Variants in DCP1A observed in about 807,000 individuals in gnomAD.
The protein encoded by DCP1A is decapping mRNA 1A, also known as mRNA-decapping enzyme 1A.
Under a neutral mutation model 58.0 loss-of-function variants are expected in DCP1A, and 20 were observed. That is an observed-to-expected ratio of 0.34 (90% CI 0.24 to 0.50). The LOEUF is 0.50. Ranked by LOEUF, DCP1A falls within the 20% of genes least tolerant of loss-of-function variation. DCP1A has a pLI of 0.98. For synonymous variants in DCP1A, 285 were observed against 275.1 expected, an observed-to-expected ratio of 1.04 and a Z score of -0.36; for missense variants, 613 against 712.2, an observed-to-expected ratio of 0.86 and a Z score of 1.59.
chr3:53,319,922 G>C (rs1311118859), intron 3 of DCP1A, among the ~76,000 whole-genome samples: 1 of 152,062 alleles, frequency 6.6e-6, no homozygotes, highest in African/African-American at 2.4e-5. Context: ...TTGAGGTCAG[G>C]AGTTTAAGAC....
intron 5 of DCP1A, among the ~76,000 whole-genome samples, chr3:53,304,855 T>C (rs1707422639): frequency 6.6e-6 from 1 of 152,078 alleles, no homozygotes; most frequent in Non-Finnish European, 1.5e-5. Flanking sequence ...AGTGCTGGGA[T>C]TATGGGTGTG....
chr3:53,344,939 TCTC>T lies in DCP1A; in HGVS notation c.136_138del (p.Glu46del). The T allele has an allele frequency of 6.2e-7, 1 of 1,603,272 alleles. No homozygotes were observed. The highest frequency in any genetic ancestry group is 8.5e-7 in the Non-Finnish European group (1 of 1,175,192). On this transcript the variant is annotated inframe_deletion and splice_region_variant, in exon 2 of 10. Coordinates refer to ENST00000610213, the MANE Select transcript of DCP1A (RefSeq NM_018403.7). ...AATAAGGTCCCTTCTATATCAGTCT[TCTC>T]CTATGAAAGACAATGACTCAATTAG...
intron 6 of DCP1A, among the ~76,000 whole-genome samples, chr3:53,298,167 A>G (rs576745590): frequency 1.6e-4 from 25 of 152,198 alleles, no homozygotes; most frequent in Non-Finnish European, 3.4e-4. Flanking sequence ...ACAGTGAGCT[A>G]TGATCAGGCC....
At chr3:53,314,963 C>A (rs182600638) in intron 4 of DCP1A, among the ~76,000 whole-genome samples, 3 of 152,152 alleles carry the variant, frequency 2.0e-5, no homozygotes, top group Admixed American at 1.3e-4. Context: ...TGAGCCACTG[C>A]GCCCAGCCAG....
Position 53,312,330 on chromosome 3 carries a change from G to C in DCP1A, c.421C>G (p.Gln141Glu), listed in dbSNP as rs782069511. 5.0e-6 allele frequency: 8 copies of C among 1,613,356 alleles called. No homozygotes were observed. The highest frequency in any genetic ancestry group is 4.5e-5 in the East Asian group (2 of 44,846). Reference sequence around the variant, plus strand: ...CAGCCATTGGCCTGGCTGGGACTCTGTTTGTCCCGAGCAGCTTGCTGGGAT... The same window carrying C: ...CAGCCATTGGCCTGGCTGGGACTCTCTTTGTCCCGAGCAGCTTGCTGGGAT... ...RRSQQAARDK[Q>E]SPSQANGCSD... The change falls in exon 5 of 10, where the codon CAG (glutamine) becomes GAG (glutamate). Residue 141 changes from glutamine to glutamate, a missense_variant. By Grantham distance (29) the Gln-to-Glu change is conservative (BLOSUM62 2). Transcript: ENST00000610213.
chr3:53,303,459 G>C (rs1707373480), intron 6 of DCP1A, among the ~76,000 whole-genome samples: 1 of 149,896 alleles, frequency 6.7e-6, no homozygotes, highest in Admixed American at 6.6e-5. Context: ...TAGAGACAGG[G>C]TTTCGTCAAT....
chr3:53,339,992 C>T (rs1198480348), intron 3 of DCP1A, among the ~76,000 whole-genome samples: 3 of 152,318 alleles, frequency 2.0e-5, no homozygotes, highest in African/African-American at 7.2e-5. Context: ...GCAATCATGG[C>T]TCACTGCAGC....
At chr3:53,346,813 G>A (rs1190923463) in intron 1 of DCP1A, among the ~76,000 whole-genome samples, 1 of 152,104 alleles carries the variant, frequency 6.6e-6, no homozygotes, top group Non-Finnish European at 1.5e-5. Flanking sequence ...TTTCCTAAGT[G>A]CCTTGGAATC....
chr3:53,321,322 G>A (rs1277736929), intron 3 of DCP1A, among the ~76,000 whole-genome samples: 1 of 152,202 alleles, frequency 6.6e-6, no homozygotes, highest in Non-Finnish European at 1.5e-5. Context: ...GGTTTAATTG[G>A]AACTTTCATT....
rs540533681 is a variant in DCP1A at position 53,315,275 on chromosome 3, C to T, written c.372-2896G>A. Among the ~76,000 whole-genome samples, 26 of 152,164 alleles carry T rather than the reference C, an allele frequency of 1.7e-4. No homozygotes were observed. In the South Asian group the frequency reaches 5.4e-3, roughly 32 times the overall value. ...GTTTCTGAGGCCGGGTGTGGTGGCT[C>T]ACGCCTGTAATCCCAGCACTTTGGG... On this transcript the variant is annotated intron_variant, in intron 4 of 9. Transcript: ENST00000610213.
intron 3 of DCP1A, among the ~76,000 whole-genome samples, chr3:53,335,056 T>G (rs1418883174): frequency 6.6e-6 from 1 of 151,986 alleles, no homozygotes; most frequent in Non-Finnish European, 1.5e-5. Context: ...CTTCTGTCTC[T>G]GCCTTTGACA....
chr3:53,287,755 A>G, intron 9 of DCP1A, 95 bp from the exon 10 acceptor site: 1 of 869,156 alleles, frequency 1.2e-6, no homozygotes, highest in Non-Finnish European at 1.9e-6. Flanking sequence ...AATTGTATAA[A>G]TGATTTGTAT....
intron 5 of DCP1A, among the ~76,000 whole-genome samples, chr3:53,311,570 G>C (rs1707645909): frequency 1.3e-5 from 2 of 152,318 alleles, no homozygotes; most frequent in South Asian, 4.1e-4. Context: ...AAAGAAAACA[G>C]TGAATTTCAG....
In DCP1A at chr3:53,285,239, TAA is replaced by T. The variant is rs1706591244; in HGVS notation, c.*2339_*2340del. 1 of 152,076 alleles carries T rather than the reference TAA, an allele frequency of 6.6e-6. No homozygotes were observed. Among genetic ancestry groups the T allele is most frequent in the African/African-American group, 2.4e-5 (1 of 41,414 alleles). The allele number at this position is 152,076 out of a possible 1,614,324, so 9.4% of individuals were successfully genotyped here. A position where few individuals can be genotyped will look rare whatever the true frequency, so the allele number is the denominator to read the frequency against. On this transcript the variant is annotated 3_prime_UTR_variant, in exon 10 of 10. Coordinates refer to ENST00000610213, the MANE Select transcript of DCP1A (RefSeq NM_018403.7). ...CATTTCGATCCAACTAAGCTTCCAGTAAAGACACTGCAGCAATGTAAACATGC... is the reference window on the plus strand; with the variant it reads ...CATTTCGATCCAACTAAGCTTCCAGTAGACACTGCAGCAATGTAAACATGC...
intron 3 of DCP1A, chr3:53,328,878 C>G (rs1708182268): frequency 6.6e-6 from 1 of 152,618 alleles, no homozygotes; most frequent in Non-Finnish European, 1.5e-5. Context: ...GAAGGCCAGA[C>G]TAATGCAGTT....
chr3:53,335,129 ATT>A (rs200729317), intron 3 of DCP1A, among the ~76,000 whole-genome samples: 1 of 149,238 alleles, frequency 6.7e-6, no homozygotes, highest in African/African-American at 2.5e-5. Flanking sequence ...ATATATATAT[ATT>A]TTTTTTATTT....
chr3:53,339,722 G>C (rs1455918254), intron 3 of DCP1A, among the ~76,000 whole-genome samples: 2 of 151,946 alleles, frequency 1.3e-5, no homozygotes, highest in East Asian at 3.9e-4. Context: ...CTTTTGCCTT[G>C]TGAAAAAAAT....
rs1172814770 is a variant in DCP1A, at chr3:53,312,535, G to C, written c.372-156C>G. On this transcript the variant is annotated intron_variant, in intron 4 of 9. Coordinates refer to ENST00000610213, the MANE Select transcript of DCP1A (RefSeq NM_018403.7). ...TTTTGAGATGGAGTCTCGCACTGTC[G>C]CCCAGGCTGGAGTGCAGTGGTGTGA... is the stretch of plus-strand genomic sequence containing the variant. Among the ~76,000 whole-genome samples the C allele has an allele frequency of 6.5e-5, 9 of 138,652 alleles. No individual in the cohort carries two copies. In the South Asian group the frequency reaches 1.6e-3, roughly 24 times the overall value. 91.0% of individuals were successfully genotyped at this position (138,652 alleles called of 152,430 possible).
At chr3:53,318,823 A>G (rs1707884718) in intron 4 of DCP1A, among the ~76,000 whole-genome samples, 1 of 152,262 alleles carries the variant, frequency 6.6e-6, no homozygotes, top group Admixed American at 6.5e-5. Context: ...AGTTCACTTA[A>G]AAGAACTAAA....
Sources: gnomAD v4.1 joint callset for allele counts (sites outside exome capture counted in the v4.1 genomes callset) on GRCh38, gnomAD v4.1.1 for gene constraint, MANE v1.5 for transcripts, NCBI Gene and HGNC (gene_info 2026-07-23, HGNC 2026-07-21) for gene names.